WDPCP: variants seen among roughly 807,000 people sequenced by gnomAD.
The protein encoded by WDPCP is WD repeat containing planar cell polarity effector.
Under a neutral mutation model 93.1 loss-of-function variants are expected in WDPCP, and 71 were observed. The observed-to-expected ratio is 0.76, with a 90% confidence interval of 0.63 to 0.93. WDPCP has a LOEUF of 0.93. WDPCP is among the 40% of genes least tolerant of loss of function. The pLI, the probability that WDPCP is intolerant of heterozygous loss-of-function variation, is 0.00. For missense variants in WDPCP, 844 were observed against 887.4 expected (o/e 0.95, Z 0.62); for synonymous variants, 315 against 315.0 (o/e 1.00, Z 0.00).
At chr2:63,428,620 T>A (rs1696493958) in intron 9 of WDPCP, among the ~76,000 whole-genome samples, 1 of 152,158 alleles carries the variant, frequency 6.6e-6, no homozygotes, top group African/African-American at 2.4e-5. Context: ...ACAGCCAACA[T>A]CATACTGAAT....
intron 14 of WDPCP, among the ~76,000 whole-genome samples, chr2:63,254,428 T>C (rs1680975215): frequency 2.0e-5 from 3 of 152,066 alleles, no homozygotes; most frequent in African/African-American, 7.2e-5. Context: ...ACCAATACAG[T>C]AGTTTCTCCT....
intron 13 of WDPCP, among the ~76,000 whole-genome samples, chr2:63,277,595 G>T (rs756770685): frequency 2.0e-5 from 3 of 152,178 alleles, no homozygotes; most frequent in African/African-American, 7.2e-5. Context: ...AAGTGAGCAG[G>T]AGTAGCTATT....
chr2:63,458,459 G>T (rs1368560846), intron 6 of WDPCP, among the ~76,000 whole-genome samples: 1 of 151,962 alleles, frequency 6.6e-6, no homozygotes, highest in African/African-American at 2.4e-5. Flanking sequence ...TGAACTAGGC[G>T]AGAAAGAAAT....
At chr2:63,276,359 T>C (rs936803661) in intron 13 of WDPCP, among the ~76,000 whole-genome samples, 2 of 152,166 alleles carry the variant, frequency 1.3e-5, no homozygotes, top group Non-Finnish European at 1.5e-5. Flanking sequence ...TCACCAGTAA[T>C]GGATCCAAAC....
chr2:63,168,609 GT>G (rs1673168931), intron 15 of WDPCP: 1 of 152,126 alleles, frequency 6.6e-6, no homozygotes, highest in African/African-American at 2.4e-5. Context: ...TGAGGTATGT[GT>G]TTCCTTTCTT....
intron 3 of WDPCP, among the ~76,000 whole-genome samples, chr2:63,634,311 A>G (rs1419223025): frequency 6.6e-6 from 1 of 152,236 alleles, no homozygotes; most frequent in Admixed American, 6.5e-5. Context: ...AAAGGGGTCA[A>G]TTCATCAAGA....
chr2:63,596,673 T>C (rs959064494), intron 3 of WDPCP, among the ~76,000 whole-genome samples: 2 of 152,256 alleles, frequency 1.3e-5, no homozygotes, highest in East Asian at 3.8e-4. Flanking sequence ...TTGACTATGA[T>C]GCAACTAGCC....
chr2:63,229,919 A>C (rs1678683410), intron 14 of WDPCP: 1 of 157,678 alleles, frequency 6.3e-6, no homozygotes, highest in East Asian at 1.9e-4. Flanking sequence ...CAAAAAAAAT[A>C]AGCGTAACTA....
chr2:63,664,846 T>C (rs183583865), intron 2 of WDPCP, among the ~76,000 whole-genome samples: 80 of 152,342 alleles, frequency 5.3e-4, no homozygotes, highest in Non-Finnish European at 9.7e-4. Context: ...AATTATTGGT[T>C]TGCATGTAGG....
intron 17 of WDPCP, among the ~76,000 whole-genome samples, chr2:63,124,119 G>T (rs1420835811): frequency 2.0e-5 from 3 of 146,558 alleles, no homozygotes. Flanking sequence ...TCTGTTTGTA[G>T]GATTATTTCC....
chr2:63,348,013 A>G (rs1473455053), intron 12 of WDPCP, among the ~76,000 whole-genome samples: 1 of 152,200 alleles, frequency 6.6e-6, no homozygotes, highest in Non-Finnish European at 1.5e-5. Context: ...AGAAAAACTA[A>G]TGACATTAGT....
the WDPCP span, among the ~76,000 whole-genome samples, chr2:63,839,659 G>A: frequency 2.0e-5 from 3 of 152,234 alleles, no homozygotes; most frequent in Admixed American, 6.5e-5. Context: ...TCTTTCGGTA[G>A]TATTTTATTT....
At chr2:63,166,987 A>G (rs1673041819) in intron 15 of WDPCP, among the ~76,000 whole-genome samples, 2 of 152,112 alleles carry the variant, frequency 1.3e-5, no homozygotes, top group Non-Finnish European at 2.9e-5. Flanking sequence ...TATATTCACT[A>G]TCTCTATGAG....
chr2:63,256,928 G>C (rs1319204526), intron 14 of WDPCP, among the ~76,000 whole-genome samples: 1 of 152,154 alleles, frequency 6.6e-6, no homozygotes, highest in East Asian at 1.9e-4. Flanking sequence ...ATAGCATCTT[G>C]AAGTGGGTAT....
In WDPCP at chr2:63,122,041, C is replaced by G. The variant is rs775648946; in HGVS notation, c.2206G>C (p.Gly736Arg). 4 of 1,612,156 alleles carry G rather than the reference C, an allele frequency of 2.5e-6. No individual in the cohort carries two copies. Among genetic ancestry groups the G allele is most frequent in the Non-Finnish European group, 3.4e-6 (4 of 1,178,834 alleles). ...CCAAAGTGAATCATTTTGAGAGAAC[C>G]ACCATCTCTGATTTCCTGCAAATAA... ...DGREQEIRDG[G>R]SLKMIHFGLV The change falls in exon 18 of 18, where the codon GGT (glycine) becomes CGT (arginine). Residue 736 changes from glycine to arginine, a missense_variant. Transcript: ENST00000272321.
At chr2:63,286,683 T>C (rs781005443) in intron 13 of WDPCP, among the ~76,000 whole-genome samples, 3 of 152,238 alleles carry the variant, frequency 2.0e-5, no homozygotes, top group Non-Finnish European at 4.4e-5. Flanking sequence ...ATTTTAAAAA[T>C]CCAATCTTAT....
At chr2:63,348,152 T>G (rs937256651) in intron 12 of WDPCP, among the ~76,000 whole-genome samples, 3 of 152,194 alleles carry the variant, frequency 2.0e-5, no homozygotes, top group African/African-American at 7.2e-5. Context: ...TCTTGGCATT[T>G]AATTAAAGTT....
chr2:63,389,666 GAC>G, intron 10 of WDPCP, among the ~76,000 whole-genome samples: 1 of 152,214 alleles, frequency 6.6e-6, no homozygotes, highest in East Asian at 1.9e-4. Flanking sequence ...CACGTGCAGA[GAC>G]ACACATAGGC....
intron 2 of WDPCP, among the ~76,000 whole-genome samples, chr2:63,655,389 A>G (rs371158249): frequency 1.1e-4 from 17 of 152,002 alleles, no homozygotes; most frequent in East Asian, 5.8e-4. Flanking sequence ...ACACATATAT[A>G]CATGCTACAT....
Sources: gnomAD v4.1 joint callset for allele counts (sites outside exome capture counted in the v4.1 genomes callset) on GRCh38, gnomAD v4.1.1 for gene constraint, MANE v1.5 for transcripts, NCBI Gene and HGNC (gene_info 2026-07-23, HGNC 2026-07-21) for gene names.